DHRSX: variants seen among roughly 807,000 people sequenced by gnomAD.
DHRSX encodes the protein dehydrogenase/reductase X-linked, also known as polyprenol dehydrogenase.
Under a neutral mutation model 34.0 loss-of-function variants are expected in DHRSX, and 31 were observed. The ratio of observed to expected loss-of-function variants is 0.91; its 90% CI spans 0.69 to 1.23. The LOEUF is 1.23. Ranked by LOEUF, DHRSX falls within the 50% of genes most tolerant of loss-of-function variation. DHRSX has a pLI of 0.00. For missense variants in DHRSX, 414 were observed against 428.1 expected, an observed-to-expected ratio of 0.97 and a Z score of 0.29; for synonymous variants, 201 against 183.8, an observed-to-expected ratio of 1.09 and a Z score of -0.76.
At chrX:2,231,523 A>C (rs2015877948) in intron 6 of DHRSX, among the ~76,000 whole-genome samples, 18 of 119,598 alleles carry the variant, frequency 1.5e-4, no homozygotes, top group African/African-American at 3.3e-4. Context: ...TTTCCCCCTT[A>C]TCCTCCTCCT....
chrX:2,275,634 A>G (rs2041619125), intron 4 of DHRSX, among the ~76,000 whole-genome samples: 1 of 151,846 alleles, frequency 6.6e-6, no homozygotes, highest in African/African-American at 2.4e-5. Flanking sequence ...TTTTTGATCC[A>G]AAATTAATTA....
rs192074357 is a variant in DHRSX, at chrX:2,257,827, G to A, written c.596+8913C>T. On this transcript the variant is annotated intron_variant, in intron 5 of 6. Transcript: ENST00000334651. ...TTTTAAGTAGAGACGGGGTTTCACC[G>A]TGTTGTCCAGGCTGGTCTTGAACTC... Among the ~76,000 whole-genome samples the A allele has an allele frequency of 5.5e-4, 83 of 151,968 alleles. 4 individuals are homozygous for A. In the East Asian group the frequency reaches 0.015, roughly 27 times the overall value.
intron 2 of DHRSX, among the ~76,000 whole-genome samples, chrX:2,409,496 A>C (rs1376259284): frequency 3.3e-5 from 5 of 150,978 alleles, no homozygotes; most frequent in African/African-American, 1.2e-4. Flanking sequence ...TCATTGTTCA[A>C]CTCCCACTTA....
intron 6 of DHRSX, among the ~76,000 whole-genome samples, chrX:2,234,767 G>A (rs2015975190): frequency 6.6e-6 from 1 of 152,174 alleles, no homozygotes; most frequent in Non-Finnish European, 1.5e-5. Flanking sequence ...CTGGAGTGCA[G>A]TGGCACGATC....
At chrX:2,326,849 T>C (rs1467083737) in intron 3 of DHRSX, among the ~76,000 whole-genome samples, 3 of 151,936 alleles carry the variant, frequency 2.0e-5, no homozygotes, top group African/African-American at 7.3e-5. Flanking sequence ...TTCACTCTTG[T>C]TGCCCAAGCT....
chrX:2,331,444 T>TTTTTTTTG (rs2042474298), intron 3 of DHRSX, among the ~76,000 whole-genome samples: 1 of 67,680 alleles, frequency 1.5e-5, no homozygotes, highest in Non-Finnish European at 2.9e-5. Flanking sequence ...TGGTTTTTTT[T>TTTTTTTTG]TTTTTTTTTT....
chrX:2,355,381 G>C (rs1282587967), intron 3 of DHRSX, among the ~76,000 whole-genome samples: 1 of 151,672 alleles, frequency 6.6e-6, no homozygotes, highest in Admixed American at 6.6e-5. Flanking sequence ...GCGTTGTGGC[G>C]CATGCCTGTA....
At chrX:2,441,473 T>C (rs1379522535) in intron 1 of DHRSX, among the ~76,000 whole-genome samples, 1 of 151,888 alleles carries the variant, frequency 6.6e-6, no homozygotes, top group Admixed American at 6.6e-5. Context: ...GTAGGATATA[T>C]ATATAGAGAG....
chrX:2,304,315 G>T (rs755459953), intron 3 of DHRSX, among the ~76,000 whole-genome samples: 41 of 130,264 alleles, frequency 3.1e-4, no homozygotes, highest in South Asian at 6.8e-4. Flanking sequence ...ATGGATGAAT[G>T]GATGGATGGA....
chrX:2,360,207 C>CA (rs199687991), intron 3 of DHRSX, among the ~76,000 whole-genome samples: 3,723 of 150,040 alleles, frequency 0.025, 108 homozygotes, highest in African/African-American at 0.072. Context: ...GACATAGAAG[C>CA]AAAAAAAAAG....
At chrX:2,398,190 C>T (rs576721496) in intron 3 of DHRSX, among the ~76,000 whole-genome samples, 2 of 152,214 alleles carry the variant, frequency 1.3e-5, no homozygotes, top group Middle Eastern at 3.4e-3. Context: ...TCAGGGCAAC[C>T]GTGCATTCAA....
rs2041824829 is a variant in DHRSX, at chrX:2,288,002, G to A, written c.388+3500C>T. ...TGACTTTCACGGCAAAAGGGCCTTT[G>A]TAGATGTGAATTAGTGGAAGATCTT... On this transcript the variant is annotated intron_variant, in intron 4 of 6. Transcript: ENST00000334651. 2.0e-5 allele frequency among the ~76,000 whole-genome samples: 3 copies of A among 152,220 alleles called. 1 individual carries two copies. The highest frequency in any genetic ancestry group is 2.0e-4 in the Admixed American group (3 of 15,280).
intron 1 of DHRSX, among the ~76,000 whole-genome samples, chrX:2,472,350 G>A (rs2044606161): frequency 6.6e-6 from 1 of 152,164 alleles, no homozygotes; most frequent in East Asian, 1.9e-4. Context: ...GGACAAATGA[G>A]AGGATCAAAA....
chrX:2,249,567 A>C (rs2016387320), intron 5 of DHRSX, among the ~76,000 whole-genome samples: 2 of 114,152 alleles, frequency 1.8e-5, no homozygotes, highest in Admixed American at 2.7e-4. Context: ...TCTGTAGCCC[A>C]GGCTGGAGTG....
intron 3 of DHRSX, among the ~76,000 whole-genome samples, chrX:2,325,738 C>G (rs1415211206): frequency 6.6e-6 from 1 of 152,224 alleles, no homozygotes; most frequent in African/African-American, 2.4e-5. Flanking sequence ...TCTCTGAGCT[C>G]TATGTAAATG....
chrX:2,382,648 TCATCAC>T (rs2043219351), intron 3 of DHRSX, among the ~76,000 whole-genome samples: 1 of 81,908 alleles, frequency 1.2e-5, no homozygotes, highest in African/African-American at 4.7e-5. Context: ...ACCATCACCA[TCATCAC>T]CACCATCATC....
chrX:2,300,530 CATCTA>C (rs1200014707), intron 3 of DHRSX, among the ~76,000 whole-genome samples: 1 of 152,082 alleles, frequency 6.6e-6, no homozygotes, highest in Non-Finnish European at 1.5e-5. Context: ...GGGTGGGCAC[CATCTA>C]ATCAGCTGCC....
At chrX:2,354,660 C>T (rs71205277) in intron 3 of DHRSX, among the ~76,000 whole-genome samples, 31,627 of 151,960 alleles carry the variant, frequency 0.21, 4,072 homozygotes, top group Middle Eastern at 0.31. Flanking sequence ...TGGGGTTTCC[C>T]CATATTGGCC....
chrX:2,476,657 G>A (rs1329496945), intron 1 of DHRSX, among the ~76,000 whole-genome samples: 4 of 152,094 alleles, frequency 2.6e-5, no homozygotes, highest in Non-Finnish European at 4.4e-5. Flanking sequence ...CACGTAGACT[G>A]GATAAAGAAA....
Sources: allele counts gnomAD v4.1 joint callset (sites outside exome capture counted in the v4.1 genomes callset), GRCh38; gene constraint gnomAD v4.1.1; transcripts MANE v1.5; gene names NCBI Gene and HGNC (gene_info 2026-07-23, HGNC 2026-07-21).